The following FAM135B variants were observed in gnomAD, a reference collection of about 807,000 sequenced individuals.
FAM135B encodes family with sequence similarity 135 member B.
In FAM135B, 43 loss-of-function variants were observed where a neutral mutation model predicts 127.7. The ratio of observed to expected loss-of-function variants is 0.34; its 90% CI spans 0.26 to 0.43. The LOEUF is 0.43. Among genes scored for constraint, FAM135B ranks in the 20% least tolerant of loss-of-function variants. The pLI, the probability that FAM135B is intolerant of heterozygous loss-of-function variation, is 1.00. For missense variants in FAM135B, 1,558 were observed against 1,725.6 expected, an observed-to-expected ratio of 0.90 and a Z score of 1.72; for synonymous variants, 670 against 665.1, an observed-to-expected ratio of 1.01 and a Z score of -0.11.
chr8:138,165,036 C>A (rs1819771786), intron 12 of FAM135B, among the ~76,000 whole-genome samples: 1 of 152,042 alleles, frequency 6.6e-6, no homozygotes, highest in Non-Finnish European at 1.5e-5. Flanking sequence ...AGCAGAGAAG[C>A]CCCAGAAAGA....
At position 138,327,234 on chromosome 8, in the gene FAM135B, C is replaced by T. The variant is rs192401848; in HGVS notation, c.78-16314G>A. On this transcript the variant is annotated intron_variant, in intron 2 of 19. Coordinates refer to ENST00000395297, the MANE Select transcript of FAM135B (RefSeq NM_015912.4). ...AAGCCACCAGTTCTTGCAAGTCAAC[C>T]GTGTGTCAGGCAAGACTGTTGGTGA... 9.9e-5 allele frequency among the ~76,000 whole-genome samples: 15 copies of T among 152,232 alleles called. 1 individual carries two copies. The East Asian group carries it at 1.9e-3, about 20-fold the overall frequency.
intron 1 of FAM135B, among the ~76,000 whole-genome samples, chr8:138,426,407 CTATT>C (rs1834893107): frequency 1.3e-5 from 2 of 151,462 alleles, no homozygotes; most frequent in African/African-American, 4.8e-5. Context: ...CTTTGGAAAA[CTATT>C]TAGCAATATC....
intron 1 of FAM135B, among the ~76,000 whole-genome samples, chr8:138,430,573 G>C (rs1199337736): frequency 1.3e-5 from 2 of 152,138 alleles, no homozygotes; most frequent in African/African-American, 4.8e-5. Flanking sequence ...ATTCCACAAG[G>C]TGACGGTGGA....
At chr8:138,216,433 C>G (rs143755215) in intron 7 of FAM135B, among the ~76,000 whole-genome samples, 1 of 152,222 alleles carries the variant, frequency 6.6e-6, no homozygotes, top group African/African-American at 2.4e-5. Context: ...ACCAGGCCTT[C>G]AGCCTGTAGT....
intron 1 of FAM135B, among the ~76,000 whole-genome samples, chr8:138,435,303 A>T (rs547602860): frequency 6.6e-6 from 1 of 152,072 alleles, no homozygotes; most frequent in Non-Finnish European, 1.5e-5. Context: ...TCTCAAAAAA[A>T]TAAAAAGAAA....
chr8:138,250,710 A>G, intron 6 of FAM135B, 131 bp downstream of exon 6: 2 of 1,016,822 alleles, frequency 2.0e-6, no homozygotes, highest in Non-Finnish European at 2.9e-6. Flanking sequence ...GTGAGGCCCA[A>G]AGCTTAAACC....
intron 2 of FAM135B, among the ~76,000 whole-genome samples, chr8:138,324,310 G>A (rs1045422447): frequency 2.0e-5 from 3 of 152,214 alleles, no homozygotes; most frequent in South Asian, 4.2e-4. Flanking sequence ...AGAGATCTAC[G>A]TAGTATTAGA....
At position 138,242,207 on chromosome 8, in the gene FAM135B, G is replaced by A. The variant is rs1022824263; in HGVS notation, c.669+735C>T. On this transcript the variant is annotated intron_variant, in intron 7 of 19. Transcript: ENST00000395297. This position sits in a 1 kb window ranked among gnomAD's most constrained non-coding sequence, Gnocchi z 9.6. ...TGTGTGTGTGTGTGTGTGTGTGTGT[G>A]TGTGTGTGTGTTCTATTGGCTGTAT... 7.2e-6 allele frequency among the ~76,000 whole-genome samples: 1 copy of A among 138,930 alleles called. No individual in the cohort carries two copies. The highest frequency in any genetic ancestry group is 1.6e-5 in the Non-Finnish European group (1 of 64,280). 91.1% of individuals were successfully genotyped at this position (138,930 alleles called of 152,430 possible).
At chr8:138,180,594 C>T (rs1468332816) in intron 9 of FAM135B, among the ~76,000 whole-genome samples, 1 of 152,080 alleles carries the variant, frequency 6.6e-6, no homozygotes, top group Admixed American at 6.6e-5. Flanking sequence ...AAGACTAGTG[C>T]TAGATAGAGA....
chr8:138,431,285 C>G (rs1398948072), intron 1 of FAM135B, among the ~76,000 whole-genome samples: 2 of 152,128 alleles, frequency 1.3e-5, no homozygotes, highest in Non-Finnish European at 2.9e-5. Flanking sequence ...GACTTGTATT[C>G]CAGTGACAGA....
chr8:138,288,095 A>G (rs147624245), intron 3 of FAM135B, among the ~76,000 whole-genome samples: 4 of 152,320 alleles, frequency 2.6e-5, no homozygotes, highest in African/African-American at 9.6e-5. Context: ...ATAACCAATC[A>G]GTGTTGGTTC....
At chr8:138,378,531 T>G (rs1563951388) in intron 1 of FAM135B, among the ~76,000 whole-genome samples, 1 of 152,130 alleles carries the variant, frequency 6.6e-6, no homozygotes, top group Non-Finnish European at 1.5e-5. Context: ...ATAATCCCCT[T>G]CCACCAATGA....
intron 4 of FAM135B, among the ~76,000 whole-genome samples, chr8:138,258,473 A>G (rs1822281316): frequency 6.6e-6 from 1 of 152,162 alleles, no homozygotes; most frequent in Admixed American, 6.5e-5. Flanking sequence ...TCTAGCCTCA[A>G]ATACACAAGG....
In FAM135B at chr8:138,399,745, A is replaced by G. The variant is rs145039920; in HGVS notation, c.-19-31743T>C. Among the ~76,000 whole-genome samples the G allele has an allele frequency of 7.4e-4, 113 of 152,176 alleles. 2 individuals carry two copies. The East Asian group carries it at 0.018, about 25-fold the overall frequency. ...AATGAACAATAGCCCCTACCTAATA[A>G]CTCCCCAGGCTGATGGATACTTTGA... On this transcript the variant is annotated intron_variant, in intron 1 of 19. Coordinates refer to ENST00000395297, the MANE Select transcript of FAM135B (RefSeq NM_015912.4).
intron 1 of FAM135B, among the ~76,000 whole-genome samples, chr8:138,418,249 T>G (rs1563985470): frequency 6.6e-6 from 1 of 151,998 alleles, no homozygotes; most frequent in Non-Finnish European, 1.5e-5. Flanking sequence ...AAAAGTAAAG[T>G]GAAAAGAATT....
intron 1 of FAM135B, among the ~76,000 whole-genome samples, chr8:138,433,421 CT>C (rs10714815): frequency 1 from 151,678 of 151,678 alleles, 75,839 homozygotes; most frequent in Non-Finnish European, 1. Context: ...ACTCAGGAGG[CT>C]TGAGGCAAGA....
chr8:138,463,412 G>C (rs1837233098), intron 1 of FAM135B, among the ~76,000 whole-genome samples: 1 of 152,146 alleles, frequency 6.6e-6, no homozygotes, highest in African/African-American at 2.4e-5. Context: ...ATCAGGAAAG[G>C]GGGTGGGTGT....
intron 12 of FAM135B, among the ~76,000 whole-genome samples, chr8:138,166,838 G>A (rs1442712412): frequency 2.0e-5 from 3 of 152,122 alleles, no homozygotes; most frequent in Admixed American, 6.5e-5. Flanking sequence ...ATTGTAAGGA[G>A]CACATCCTAC....
At chr8:138,429,018 G>A (rs985503221) in intron 1 of FAM135B, among the ~76,000 whole-genome samples, 8 of 152,198 alleles carry the variant, frequency 5.3e-5, no homozygotes, top group Admixed American at 5.2e-4. Context: ...CTTATCTTTT[G>A]TAGTGGGGGA....
Sources: gnomAD v4.1 joint callset for allele counts (sites outside exome capture counted in the v4.1 genomes callset) on GRCh38, gnomAD v4.1.1 for gene constraint, Gnocchi (gnomAD v3.1) non-coding constraint, MANE v1.5 for transcripts, NCBI Gene and HGNC (gene_info 2026-07-23, HGNC 2026-07-21) for gene names.